Variants in FBXW11 observed in about 807,000 individuals in gnomAD.
FBXW11 encodes the protein F-box and WD repeat domain containing 11, also known as F-box/WD repeat-containing protein 11.
In FBXW11, 19 loss-of-function variants were observed where a neutral mutation model predicts 77.6. The observed-to-expected ratio is 0.24, with a 90% CI of 0.17 to 0.36. The LOEUF is 0.36. FBXW11 is among the 10% of genes least tolerant of loss of function. The probability of loss-of-function intolerance (pLI) is 1.00; values close to 1 mark genes in which losing one functional copy is unlikely to be tolerated. For synonymous variants in FBXW11, 235 were observed against 249.4 expected (o/e 0.94, Z 0.54); for missense variants, 334 against 704.2 (o/e 0.47, Z 5.95).
intron 1 of FBXW11, among the ~76,000 whole-genome samples, chr5:172,002,385 G>C (rs1260249564): frequency 2.6e-5 from 4 of 151,590 alleles, no homozygotes; most frequent in African/African-American, 9.7e-5. Flanking sequence ...TCTTTAGGCA[G>C]GTCAGTGAGG....
intron 1 of FBXW11, among the ~76,000 whole-genome samples, chr5:172,004,468 TA>T (rs1373595822): frequency 6.6e-6 from 1 of 152,246 alleles, no homozygotes; most frequent in Non-Finnish European, 1.5e-5. Context: ...TTTTAAGTTA[TA>T]AGCATAGGAA....
chr5:171,935,249 G>A (rs777776635), intron 2 of FBXW11, among the ~76,000 whole-genome samples: 27 of 152,202 alleles, frequency 1.8e-4, no homozygotes, highest in South Asian at 6.2e-4. Context: ...GAGCCACCGC[G>A]CCCAGCCGGT....
At chr5:171,947,694 G>A (rs1259712296) in intron 2 of FBXW11, among the ~76,000 whole-genome samples, 2 of 152,144 alleles carry the variant, frequency 1.3e-5, no homozygotes, top group African/African-American at 2.4e-5. Context: ...CCCAGACAAT[G>A]AAATTGCAGT....
chr5:171,866,537 A>G (rs1342093165), intron 13 of FBXW11, among the ~76,000 whole-genome samples: 1 of 152,202 alleles, frequency 6.6e-6, no homozygotes, highest in African/African-American at 2.4e-5. Context: ...ACCACAGCCA[A>G]TAAGAAACAG....
At position 171,869,875 on chromosome 5, in the gene FBXW11, G is replaced by GA. The variant is rs1757646750; in HGVS notation, c.1452-69dup. The GA allele has an allele frequency of 4.7e-6, 5 of 1,073,506 alleles. No homozygotes were observed. Among genetic ancestry groups the GA allele is most frequent in the Admixed American group, 2.4e-5 (1 of 41,292 alleles). 66.5% of individuals were successfully genotyped at this position (1,073,506 alleles called of 1,614,324 possible). ...TTTATATGCTGTCAAACATTTCCTT[G>GA]AAAAAAAGTAGTGCATCTGAACTGC... On this transcript the variant is annotated intron_variant, in intron 11 of 13. Transcript: ENST00000517395. The surrounding 1 kb of genome is among the most constrained non-coding windows in gnomAD (Gnocchi z 4.1).
At chr5:171,906,415 C>A (rs947003034) in intron 4 of FBXW11, among the ~76,000 whole-genome samples, 2 of 152,166 alleles carry the variant, frequency 1.3e-5, no homozygotes, top group African/African-American at 4.8e-5. Flanking sequence ...AGTCTAACAT[C>A]TTTTTTCCAT....
chr5:171,914,410 G>T lies in FBXW11; in HGVS notation c.148-5C>A, dbSNP rs1296086110. On this transcript the variant is annotated splice_polypyrimidine_tract_variant and splice_region_variant and intron_variant, in intron 2 of 13. Coordinates refer to ENST00000517395, the MANE Select transcript of FBXW11 (RefSeq NM_001378974.1). ...ATCTTCCATAACTGAAGTGTTCTAG[G>T]GGGGGAAAAACAGGTTATTTGAATT... 1.3e-6 allele frequency: 2 copies of T among 1,577,558 alleles called. No individual in the cohort carries two copies. Among genetic ancestry groups the T allele is most frequent in the South Asian group, 2.4e-5 (2 of 83,512 alleles).
intron 12 of FBXW11, 58 bp from the exon 13 acceptor site, chr5:171,868,854 C>T: frequency 6.8e-7 from 1 of 1,470,694 alleles, no homozygotes; most frequent in East Asian, 2.4e-5. Flanking sequence ...TGATATCTCA[C>T]AATGAGAAAC....
intron 1 of FBXW11, among the ~76,000 whole-genome samples, chr5:171,976,168 C>T (rs10040738): frequency 0.011 from 1,678 of 152,150 alleles, 22 homozygotes; most frequent in African/African-American, 0.038. Context: ...ACTATCTGGA[C>T]GACTTACAAG....
intron 4 of FBXW11, among the ~76,000 whole-genome samples, chr5:171,902,042 G>A (rs546025830): frequency 6.6e-6 from 1 of 152,166 alleles, no homozygotes; most frequent in South Asian, 2.1e-4. Context: ...AGCTAGCACT[G>A]ATGCCGCATC....
rs187303342 is a variant in FBXW11, at chr5:171,928,409, T to G, written c.148-14004A>C. ...TAGCAAAATCAACCATAAAATTCAT[T>G]AGCAATCTCAAGGGACTCAGAACAG... On this transcript the variant is annotated intron_variant, in intron 2 of 13. Coordinates refer to ENST00000517395, the MANE Select transcript of FBXW11 (RefSeq NM_001378974.1). Among the ~76,000 whole-genome samples the G allele has an allele frequency of 7.4e-4, 112 of 152,292 alleles. 1 individual carries two copies. The highest frequency in any genetic ancestry group is 2.4e-3 in the African/African-American group (100 of 41,560).
chr5:171,972,612 T>C (rs1202430732), intron 1 of FBXW11, among the ~76,000 whole-genome samples: 2 of 151,378 alleles, frequency 1.3e-5, no homozygotes, highest in African/African-American at 4.8e-5. Flanking sequence ...TGACGCGATC[T>C]TGGCTCACTG....
chr5:171,976,107 A>C (rs117247748), intron 1 of FBXW11, among the ~76,000 whole-genome samples: 2 of 152,264 alleles, frequency 1.3e-5, no homozygotes, highest in East Asian at 3.9e-4. Flanking sequence ...GGCAGCAGTT[A>C]AGGCCATGAC....
At chr5:171,935,552 A>C (rs1329003560) in intron 2 of FBXW11, among the ~76,000 whole-genome samples, 1 of 152,132 alleles carries the variant, frequency 6.6e-6, no homozygotes, top group Non-Finnish European at 1.5e-5. Flanking sequence ...CAATTGTTAG[A>C]CTTTAAAAAT....
intron 6 of FBXW11, among the ~76,000 whole-genome samples, chr5:171,893,092 A>G (rs1759467390): frequency 1.3e-5 from 2 of 152,152 alleles, no homozygotes; most frequent in South Asian, 4.1e-4. Context: ...AGCAGGAATC[A>G]TTGTTCGCAT....
chr5:171,999,835 T>TC (rs1554111356), intron 1 of FBXW11, among the ~76,000 whole-genome samples: 3 of 152,078 alleles, frequency 2.0e-5, no homozygotes, highest in African/African-American at 7.3e-5. Context: ...CTTTTTTTTT[T>TC]ATTTTTCCTA....
At chr5:171,933,500 C>T (rs753671328) in intron 2 of FBXW11, among the ~76,000 whole-genome samples, 8 of 152,158 alleles carry the variant, frequency 5.3e-5, no homozygotes, top group African/African-American at 1.2e-4. Flanking sequence ...CTATGGACTT[C>T]GGGTGATAAT....
In FBXW11 at chr5:171,987,036, C is replaced by T. The variant is rs187842015; in HGVS notation, c.45+19422G>A. On this transcript the variant is annotated intron_variant, in intron 1 of 13. Transcript: ENST00000517395. ...GAAGCAGGAACCCTACTGTGAACTG[C>T]GCATGTGAGGGATCTACGTTGCATG... Among the ~76,000 whole-genome samples, 116 of 152,294 alleles carry T rather than the reference C, an allele frequency of 7.6e-4. 1 individual carries two copies. The highest frequency in any genetic ancestry group is 2.5e-3 in the African/African-American group (104 of 41,572).
chr5:172,005,542 A>T (rs1188717203), intron 1 of FBXW11, among the ~76,000 whole-genome samples: 1 of 152,118 alleles, frequency 6.6e-6, no homozygotes, highest in Non-Finnish European at 1.5e-5. Context: ...TTCAAATCCT[A>T]AAGCTTCGGA....
Sources: allele counts gnomAD v4.1 joint callset (sites outside exome capture counted in the v4.1 genomes callset), GRCh38; gene constraint gnomAD v4.1.1; non-coding constraint Gnocchi (gnomAD v3.1); transcripts MANE v1.5; gene names NCBI Gene and HGNC (gene_info 2026-07-23, HGNC 2026-07-21).